Variants in DIAPH3 observed in about 807,000 individuals in gnomAD.
The protein encoded by DIAPH3 is diaphanous related formin 3.
DIAPH3 carries 117 observed loss-of-function variants against 144.3 expected under a neutral mutation model. That is an observed-to-expected ratio of 0.81 (90% CI 0.70 to 0.95). DIAPH3 has a LOEUF of 0.95. DIAPH3 is among the 40% of genes least tolerant of loss of function. The pLI is 0.00. For missense variants in DIAPH3, 1,421 were observed against 1,412.7 expected, an observed-to-expected ratio of 1.01 and a Z score of -0.09; for synonymous variants, 519 against 488.9, an observed-to-expected ratio of 1.06 and a Z score of -0.81.
intron 4 of DIAPH3, among the ~76,000 whole-genome samples, chr13:60,068,555 A>G (rs1007536249): frequency 5.9e-5 from 9 of 152,130 alleles, no homozygotes; most frequent in Non-Finnish European, 1.0e-4. Flanking sequence ...TTACTTGGAT[A>G]AACTGCATAT....
At chr13:59,857,433 C>T (rs1403584882) in intron 22 of DIAPH3, among the ~76,000 whole-genome samples, 1 of 151,954 alleles carries the variant, frequency 6.6e-6, no homozygotes, top group African/African-American at 2.4e-5. Flanking sequence ...TAAACAGAGT[C>T]TTAGAAGCAG....
chr13:60,006,664 G>C (rs73212296), intron 9 of DIAPH3, among the ~76,000 whole-genome samples: 1 of 152,248 alleles, frequency 6.6e-6, no homozygotes, highest in Non-Finnish European at 1.5e-5. Flanking sequence ...GAGCAGGGAA[G>C]GGGGAGCTCA....
At chr13:59,898,076 A>G (rs2140159314) in intron 20 of DIAPH3, among the ~76,000 whole-genome samples, 1 of 139,428 alleles carries the variant, frequency 7.2e-6, no homozygotes, top group South Asian at 2.4e-4. Flanking sequence ...CAGAGGCTGC[A>G]GTGAGCTGAG....
chr13:59,861,070 G>A (rs940992636), intron 22 of DIAPH3, among the ~76,000 whole-genome samples: 1 of 152,124 alleles, frequency 6.6e-6, no homozygotes, highest in African/African-American at 2.4e-5. Flanking sequence ...GGCTATCAGT[G>A]CCTATGAATG....
At chr13:59,806,508 C>T (rs369916331) in intron 25 of DIAPH3, among the ~76,000 whole-genome samples, 18 of 152,042 alleles carry the variant, frequency 1.2e-4, no homozygotes, top group South Asian at 6.2e-4. Flanking sequence ...TTGATACATA[C>T]TAATAGTCTC....
At chr13:60,102,452 G>C (rs1016096682) in intron 3 of DIAPH3, among the ~76,000 whole-genome samples, 1 of 151,976 alleles carries the variant, frequency 6.6e-6, no homozygotes, top group Non-Finnish European at 1.5e-5. Context: ...AAATAAAGAA[G>C]ATGTCAGAAA....
intron 27 of DIAPH3, among the ~76,000 whole-genome samples, chr13:59,673,881 C>T (rs1009266666): frequency 3.3e-5 from 5 of 152,300 alleles, no homozygotes; most frequent in Middle Eastern, 3.4e-3. Flanking sequence ...CTTCAGGTGT[C>T]TCTCCTTTGG....
At chr13:59,947,448 C>T (rs2048857279) in intron 17 of DIAPH3, among the ~76,000 whole-genome samples, 1 of 152,116 alleles carries the variant, frequency 6.6e-6, no homozygotes, top group Admixed American at 6.6e-5. Context: ...TGTACTATTT[C>T]ATGAAAAGAA....
intron 27 of DIAPH3, among the ~76,000 whole-genome samples, chr13:59,692,758 A>T (rs1356973509): frequency 6.6e-6 from 1 of 152,022 alleles, no homozygotes; most frequent in East Asian, 1.9e-4. Context: ...CTCCTCCTTT[A>T]TTACACCAAA....
intron 27 of DIAPH3, among the ~76,000 whole-genome samples, chr13:59,703,961 A>G (rs2034267395): frequency 6.6e-6 from 1 of 152,206 alleles, no homozygotes; most frequent in Non-Finnish European, 1.5e-5. Flanking sequence ...TCAGGAACTG[A>G]GCTAACCCCA....
At position 60,091,491 on chromosome 13, in the gene DIAPH3, T is replaced by A. The variant is rs908810756; in HGVS notation, c.495+2137A>T. On this transcript the variant is annotated intron_variant, in intron 4 of 27. Transcript: ENST00000400324. ...TTTTATATCTTTTGTCAAGACAGGG[T>A]CTTACTATGTTGCCCAGGCTGGTCT... Among the ~76,000 whole-genome samples, 6 of 152,072 alleles carry A rather than the reference T, an allele frequency of 3.9e-5. No individual in the cohort carries two copies. The East Asian group carries it at 9.7e-4, about 25-fold the overall frequency.
intron 20 of DIAPH3, among the ~76,000 whole-genome samples, chr13:59,881,845 T>C (rs1593813698): frequency 1.3e-5 from 2 of 152,332 alleles, no homozygotes; most frequent in East Asian, 3.9e-4. Flanking sequence ...CCTATTGTTC[T>C]TTCTTCCAAG....
At chr13:59,695,034 C>T (rs957937667) in intron 27 of DIAPH3, among the ~76,000 whole-genome samples, 39 of 152,224 alleles carry the variant, frequency 2.6e-4, no homozygotes, top group African/African-American at 8.9e-4. Context: ...GTGCTACAGT[C>T]GATAAAAATG....
At position 59,879,321 on chromosome 13, in the gene DIAPH3, A is replaced by C. The variant is rs1292576063; in HGVS notation, c.2515T>G (p.Leu839Val). The change falls in exon 21 of 28, where the codon TTG becomes GTG. Residue 839 changes from leucine to valine, a missense_variant. Leu to Val is a conservative substitution (Grantham distance 32, BLOSUM62 1). Coordinates refer to ENST00000400324, the MANE Select transcript of DIAPH3 (RefSeq NM_001042517.2). The stretch of plus-strand genomic sequence containing the variant: ...CCCATTAGCAATACAAGTTCCAGCA[A>C]CTTGCTAAAGCTTTTGCTCTTCTTT... Reference protein sequence around the residue: ...EIKKSKSFSKLLELVLLMGNY... With the variant: ...EIKKSKSFSKVLELVLLMGNY... 3.7e-6 allele frequency: 6 copies of C among 1,613,772 alleles called. No homozygotes were observed. Among genetic ancestry groups the C allele is most frequent in the Non-Finnish European group, 4.2e-6 (5 of 1,179,872 alleles).
At chr13:60,086,998 TATTTGCATATAAC>T (rs1038098941) in intron 4 of DIAPH3, among the ~76,000 whole-genome samples, 3 of 152,186 alleles carry the variant, frequency 2.0e-5, no homozygotes, top group Admixed American at 6.5e-5. Flanking sequence ...AATGGCATAG[TATTTGCATATAAC>T]ATTCACATCC....
chr13:60,159,355 A>C (rs960004637), intron 1 of DIAPH3, among the ~76,000 whole-genome samples: 3 of 152,058 alleles, frequency 2.0e-5, no homozygotes, highest in Non-Finnish European at 4.4e-5. Flanking sequence ...GCCAGGTGCG[A>C]TGGCTCACGC....
intron 27 of DIAPH3, among the ~76,000 whole-genome samples, chr13:59,765,852 T>TATAA (rs1372920743): frequency 6.6e-6 from 1 of 152,218 alleles, no homozygotes; most frequent in Non-Finnish European, 1.5e-5. Context: ...AATGGTATCT[T>TATAA]ATAAATAAAT....
chr13:60,071,254 T>A (rs1468652759), intron 4 of DIAPH3, among the ~76,000 whole-genome samples: 1 of 152,196 alleles, frequency 6.6e-6, no homozygotes, highest in Non-Finnish European at 1.5e-5. Context: ...TCTTTTATCA[T>A]CTTCCTTTTC....
intron 17 of DIAPH3, among the ~76,000 whole-genome samples, chr13:59,926,304 T>C (rs922154290): frequency 6.6e-6 from 1 of 152,132 alleles, no homozygotes; most frequent in Non-Finnish European, 1.5e-5. Context: ...CTTCTTTTTT[T>C]ATCTGTTTCA....
Sources: allele counts gnomAD v4.1 joint callset (sites outside exome capture counted in the v4.1 genomes callset), GRCh38; gene constraint gnomAD v4.1.1; transcripts MANE v1.5; gene names NCBI Gene and HGNC (gene_info 2026-07-23, HGNC 2026-07-21).